Variants in ENOX2 observed in about 807,000 individuals in gnomAD.
ENOX2 encodes the protein ecto-NOX disulfide-thiol exchanger 2.
In ENOX2, 36 loss-of-function variants were observed where a neutral mutation model predicts 45.0. That is an observed-to-expected ratio of 0.80 (90% CI 0.61 to 1.06). ENOX2 has a LOEUF of 1.06. ENOX2 is among the 50% of genes least tolerant of loss of function. The pLI, the probability that ENOX2 is intolerant of heterozygous loss-of-function variation, is 0.00. For synonymous variants in ENOX2, 174 were observed against 152.3 expected (o/e 1.14, Z -1.05); for missense variants, 423 against 462.5 (o/e 0.91, Z 0.78).
At chrX:130,685,090 G>T (rs1448531555) in intron 5 of ENOX2, among the ~76,000 whole-genome samples, 1 of 112,559 alleles carries the variant, frequency 8.9e-6, no homozygotes, top group Admixed American at 9.4e-5. Context: ...AGACTTGAAA[G>T]AAGTGAGAGA....
At chrX:130,654,341 C>T (rs1349759977) in intron 10 of ENOX2, among the ~76,000 whole-genome samples, 3 of 110,271 alleles carry the variant, frequency 2.7e-5, no homozygotes, top group East Asian at 2.9e-4. Context: ...GGAAAGATAA[C>T]TGAGACTTCT....
intron 5 of ENOX2, among the ~76,000 whole-genome samples, chrX:130,680,780 G>A (rs2148156469): frequency 8.9e-6 from 1 of 112,479 alleles, no homozygotes; most frequent in Non-Finnish European, 1.9e-5. Context: ...AACAACCAGT[G>A]ATTATAGCTC....
rs1009612260 is a variant in ENOX2, at chrX:130,814,838, T to C, written c.-182-31148A>G. ...AATTCCAAAAACCAGAACGCCTCTT[T>C]TCCTTCAAAGGATCACAACTCCTTG... On this transcript the variant is annotated intron_variant, in intron 2 of 14. Transcript: ENST00000394363. 3.6e-5 allele frequency among the ~76,000 whole-genome samples: 4 copies of C among 111,569 alleles called. No homozygotes were observed. In the Admixed American group the frequency reaches 3.8e-4, roughly 11 times the overall value.
Position 130,667,615 on chromosome X carries a change from C to T in ENOX2, c.822G>A (p.Leu274=). 1 of 1,211,764 alleles carries T rather than the reference C, an allele frequency of 8.3e-7. No individual in the cohort carries two copies. Among genetic ancestry groups the T allele is most frequent in the Non-Finnish European group, 1.1e-6 (1 of 895,405 alleles). The change falls in exon 8 of 15, where the codon CTG becomes CTA. Residue 274 remains leucine, a synonymous_variant. Coordinates refer to ENST00000394363, the MANE Select transcript of ENOX2 (RefSeq NM_006375.4). ...TCTCATGGGCAGCTTTCTCGTTCAC[C>T]AGGCGGCGGACATGGCTGTTGGCCG... is the stretch of plus-strand genomic sequence containing the variant. ...IQSANSHVRR[L]VNEKAAHEKD...
chrX:130,816,396 C>A (rs2077486142), intron 2 of ENOX2, among the ~76,000 whole-genome samples: 1 of 111,541 alleles, frequency 9.0e-6, no homozygotes, highest in South Asian at 3.8e-4. Context: ...AGGACTTGAA[C>A]TCAGCTCTGG....
chrX:130,825,709 T>C (rs1488171805), intron 2 of ENOX2, among the ~76,000 whole-genome samples: 2 of 111,162 alleles, frequency 1.8e-5, no homozygotes, highest in Non-Finnish European at 3.8e-5. Flanking sequence ...ATCTGAGGCA[T>C]GGATGATTTA....
intron 2 of ENOX2, among the ~76,000 whole-genome samples, chrX:130,791,902 C>A (rs1359727238): frequency 8.9e-6 from 1 of 112,096 alleles, no homozygotes; most frequent in Non-Finnish European, 1.9e-5. Context: ...AAAGAGATCC[C>A]ATATATGGAT....
intron 5 of ENOX2, among the ~76,000 whole-genome samples, chrX:130,683,894 T>C (rs2037379394): frequency 8.9e-6 from 1 of 111,995 alleles, no homozygotes; most frequent in African/African-American, 3.2e-5. Flanking sequence ...TGGTACTTGG[T>C]CTGCTCCAGT....
chrX:130,841,458 G>T (rs1449786996), intron 2 of ENOX2, among the ~76,000 whole-genome samples: 1 of 111,510 alleles, frequency 9.0e-6, no homozygotes, highest in Non-Finnish European at 1.9e-5. Flanking sequence ...CTCCAACATG[G>T]CCATTGCTTC....
chrX:130,803,089 C>A (rs2077248078), intron 2 of ENOX2, among the ~76,000 whole-genome samples: 1 of 111,491 alleles, frequency 9.0e-6, no homozygotes, highest in Non-Finnish European at 1.9e-5. Context: ...GGGCTTTATG[C>A]ATATTTGGTG....
In ENOX2 at chrX:130,656,632, A is replaced by G; in HGVS notation, c.1078T>C (p.Ser360Pro). 1 of 1,180,892 alleles carries G rather than the reference A, an allele frequency of 8.5e-7. No individual in the cohort carries two copies. The highest frequency in any genetic ancestry group is 1.1e-6 in the Non-Finnish European group (1 of 870,696). The stretch of plus-strand genomic sequence containing the variant: ...GTCATTTCTTCTATTTCATCATCAG[A>G]CATTTCCATTTCTTCTTCTCGCCTG... ...GIRREEEMEM[S>P]DDEIEEMTET... is the part of the protein sequence containing the mutation. The change falls in exon 10 of 15, where the codon TCT becomes CCT. Residue 360 changes from serine to proline, a missense_variant. Coordinates refer to ENST00000394363, the MANE Select transcript of ENOX2 (RefSeq NM_006375.4).
chrX:130,816,736 AC>A (rs905992933), intron 2 of ENOX2, among the ~76,000 whole-genome samples: 3 of 112,096 alleles, frequency 2.7e-5, no homozygotes, highest in African/African-American at 9.7e-5. Flanking sequence ...GACACAATGT[AC>A]TAGAATCTCT....
intron 3 of ENOX2, among the ~76,000 whole-genome samples, chrX:130,770,298 C>T (rs780559336): frequency 1.4e-4 from 16 of 111,623 alleles, no homozygotes; most frequent in African/African-American, 2.0e-4. Context: ...ATTAGGAAAA[C>T]GTAATTTGAC....
chrX:130,837,106 A>T (rs914541653), intron 2 of ENOX2, among the ~76,000 whole-genome samples: 3 of 112,486 alleles, frequency 2.7e-5, no homozygotes, highest in African/African-American at 9.7e-5. Flanking sequence ...TTGGAATTTG[A>T]AAGTGGGTAC....
chrX:130,792,085 G>C (rs910900650), intron 2 of ENOX2, among the ~76,000 whole-genome samples: 5 of 112,215 alleles, frequency 4.5e-5, no homozygotes, highest in Admixed American at 2.8e-4. Flanking sequence ...AAAAGAATGA[G>C]ATCATCTCCT....
chrX:130,857,491 C>T (rs149277202), intron 2 of ENOX2, among the ~76,000 whole-genome samples: 1,750 of 112,077 alleles, frequency 0.016, 44 homozygotes, highest in African/African-American at 0.053. Flanking sequence ...GAAAGTGAAA[C>T]GGAGAAGTAT....
At chrX:130,839,173 A>G (rs763745052) in intron 2 of ENOX2, among the ~76,000 whole-genome samples, 1 of 112,217 alleles carries the variant, frequency 8.9e-6, no homozygotes, top group South Asian at 3.7e-4. Flanking sequence ...GTAATATTGG[A>G]GTTCAGTTTT....
chrX:130,854,299 G>A lies in ENOX2; in HGVS notation c.-183+47385C>T, dbSNP rs1224766530. Among the ~76,000 whole-genome samples the A allele has an allele frequency of 2.7e-5, 3 of 111,938 alleles. No homozygotes were observed. The East Asian group carries it at 8.3e-4, about 31-fold the overall frequency. On this transcript the variant is annotated intron_variant, in intron 2 of 14. Transcript: ENST00000394363. Reference sequence around the variant, plus strand: ...TGGACTCAATAGTAGAATACAGACAGATGACAGAGGAAAGAATCAGTGGAC... The same window carrying A: ...TGGACTCAATAGTAGAATACAGACAAATGACAGAGGAAAGAATCAGTGGAC...
chrX:130,863,928 T>C (rs1344939442), intron 2 of ENOX2, among the ~76,000 whole-genome samples: 3 of 111,123 alleles, frequency 2.7e-5, no homozygotes, highest in African/African-American at 9.9e-5. Flanking sequence ...TGAATAAAAG[T>C]ATTGAAATTT....
Sources: allele counts gnomAD v4.1 joint callset (sites outside exome capture counted in the v4.1 genomes callset), GRCh38; gene constraint gnomAD v4.1.1; transcripts MANE v1.5; gene names NCBI Gene and HGNC (gene_info 2026-07-23, HGNC 2026-07-21).